Variants in DAPK1 observed in about 807,000 individuals in gnomAD.
DAPK1 encodes the protein death associated protein kinase 1.
A neutral mutation model predicts 144.9 loss-of-function variants in DAPK1; 56 were observed. The observed-to-expected ratio is 0.39, with a 90% CI of 0.31 to 0.48. DAPK1 has a LOEUF of 0.48. Ranked by LOEUF, DAPK1 falls within the 20% of genes least tolerant of loss-of-function variation. The pLI, the probability that DAPK1 is intolerant of heterozygous loss-of-function variation, is 0.95. For missense variants in DAPK1, 1,454 were observed against 1,875.4 expected, an observed-to-expected ratio of 0.78 and a Z score of 4.15; for synonymous variants, 690 against 749.0, an observed-to-expected ratio of 0.92 and a Z score of 1.29.
At chr9:87,611,000 A>G (rs1168756088) in intron 3 of DAPK1, among the ~76,000 whole-genome samples, 1 of 151,308 alleles carries the variant, frequency 6.6e-6, no homozygotes, top group Admixed American at 6.6e-5. Flanking sequence ...ATACTTTGTA[A>G]GTATGTGAGC....
At chr9:87,679,731 C>T (rs117374209) in intron 19 of DAPK1, among the ~76,000 whole-genome samples, 130 of 152,202 alleles carry the variant, frequency 8.5e-4, no homozygotes, top group Non-Finnish European at 1.5e-3. Context: ...GAGTGAGTAG[C>T]GAACTATTTC....
chr9:87,504,007 G>A lies in DAPK1; in HGVS notation c.62+4868G>A, dbSNP rs896402207. 6.6e-5 allele frequency among the ~76,000 whole-genome samples: 10 copies of A among 152,160 alleles called. No homozygotes were observed. The South Asian group carries it at 1.0e-3, about 16-fold the overall frequency. ...GGCAGTCCAAGTGCTTCTCTAGACC[G>A]GTTTACTGTGGATTGCAGGAGTCAG... On this transcript the variant is annotated intron_variant, in intron 2 of 25. Coordinates refer to ENST00000408954, the MANE Select transcript of DAPK1 (RefSeq NM_004938.4).
intron 10 of DAPK1, among the ~76,000 whole-genome samples, chr9:87,643,102 T>C (rs1448407212): frequency 6.6e-6 from 1 of 152,158 alleles, no homozygotes; most frequent in African/African-American, 2.4e-5. Flanking sequence ...GGTGTCCAGC[T>C]CTGTAGTTCA....
Position 87,632,120 on chromosome 9 carries a change from G to A in DAPK1, c.285-5823G>A, listed in dbSNP as rs903371064. 4 of 646,930 alleles carry A rather than the reference G, an allele frequency of 6.2e-6. No homozygotes were observed. In the African/African-American group the frequency reaches 7.7e-5, roughly 13 times the overall value. The allele number at this position is 646,930 out of a possible 1,614,324, so 40.1% of individuals were successfully genotyped here. On this transcript the variant is annotated intron_variant, in intron 3 of 25. Coordinates refer to ENST00000408954, the MANE Select transcript of DAPK1 (RefSeq NM_004938.4). ...TATATATATATATATGTATGTGTGT[G>A]TGTATATATATATAAAATACCAGAT...
intron 17 of DAPK1, among the ~76,000 whole-genome samples, chr9:87,656,610 C>T (rs1236012017): frequency 6.6e-6 from 1 of 152,246 alleles, no homozygotes; most frequent in Non-Finnish European, 1.5e-5. Flanking sequence ...GTATCCCACA[C>T]TGCAGCAGTG....
At chr9:87,518,643 T>C (rs1364742898) in intron 2 of DAPK1, among the ~76,000 whole-genome samples, 1 of 152,194 alleles carries the variant, frequency 6.6e-6, no homozygotes, top group African/African-American at 2.4e-5. Context: ...TAGCCTGTTA[T>C]CTGACCATGC....
At chr9:87,676,450 A>G (rs1243630893) in intron 19 of DAPK1, among the ~76,000 whole-genome samples, 5 of 152,242 alleles carry the variant, frequency 3.3e-5, no homozygotes, top group African/African-American at 1.2e-4. Context: ...GCCTCCACCA[A>G]TGAGGGAGAT....
At chr9:87,576,209 C>T (rs993603499) in intron 2 of DAPK1, among the ~76,000 whole-genome samples, 2 of 152,194 alleles carry the variant, frequency 1.3e-5, no homozygotes, top group Admixed American at 1.3e-4. Flanking sequence ...TACACACACA[C>T]GGGTCAGAGT....
At chr9:87,704,223 A>G (rs1825555656) in intron 25 of DAPK1, among the ~76,000 whole-genome samples, 1 of 152,256 alleles carries the variant, frequency 6.6e-6, no homozygotes, top group Non-Finnish European at 1.5e-5. Flanking sequence ...CAGGTGAAGG[A>G]CCACATCTTA....
intron 2 of DAPK1, chr9:87,525,285 G>T (rs1207200785): frequency 6.3e-7 from 1 of 1,592,126 alleles, no homozygotes; most frequent in Non-Finnish European, 8.6e-7. Context: ...TTACCTCGTT[G>T]CACTCCTGAG....
intron 1 of DAPK1, 116 bp downstream of exon 1, chr9:87,498,223 A>T (rs972156067): frequency 6.6e-5 from 26 of 395,768 alleles, no homozygotes; most frequent in Middle Eastern, 1.2e-3. Flanking sequence ...TGGGAAGGCC[A>T]AGGCGGAGGG....
intron 2 of DAPK1, among the ~76,000 whole-genome samples, chr9:87,584,286 T>C (rs148815674): frequency 5.7e-4 from 87 of 152,306 alleles, no homozygotes; most frequent in African/African-American, 2.0e-3. Flanking sequence ...CTTGAACTCA[T>C]TTCTCTTACC....
chr9:87,693,702 G>C (rs1280461418), intron 21 of DAPK1, among the ~76,000 whole-genome samples: 1 of 152,064 alleles, frequency 6.6e-6, no homozygotes, highest in Non-Finnish European at 1.5e-5. Flanking sequence ...TGAACTTTTT[G>C]AACTTGCTTT....
At chr9:87,526,214 T>G (rs1587688145) in intron 2 of DAPK1, among the ~76,000 whole-genome samples, 1 of 151,998 alleles carries the variant, frequency 6.6e-6, no homozygotes, top group Non-Finnish European at 1.5e-5. Context: ...CCTTTTAATA[T>G]GCAATTCTGA....
At chr9:87,559,426 T>C (rs1861831) in intron 2 of DAPK1, among the ~76,000 whole-genome samples, 1 of 151,928 alleles carries the variant, frequency 6.6e-6, no homozygotes, top group Non-Finnish European at 1.5e-5. Context: ...TGTGGTAACA[T>C]CTAGCCACAT....
chr9:87,562,648 G>A (rs890822272), intron 2 of DAPK1, among the ~76,000 whole-genome samples: 1 of 152,108 alleles, frequency 6.6e-6, no homozygotes, highest in Non-Finnish European at 1.5e-5. Flanking sequence ...CTATCTCAAA[G>A]GCTCTACATT....
At chr9:87,634,468 AG>A in intron 3 of DAPK1, among the ~76,000 whole-genome samples, 1 of 152,284 alleles carries the variant, frequency 6.6e-6, no homozygotes, top group Non-Finnish European at 1.5e-5. Context: ...TGAGGGCTTC[AG>A]GAGGTGGGAC....
chr9:87,520,014 A>C (rs1188680566), intron 2 of DAPK1, among the ~76,000 whole-genome samples: 1 of 152,120 alleles, frequency 6.6e-6, no homozygotes, highest in Non-Finnish European at 1.5e-5. Flanking sequence ...AATAAAGATA[A>C]GGAAACAAAC....
rs1564056429 is a variant in DAPK1 at position 87,662,574 on chromosome 9, T to TTGTTTG, written c.1923+4448_1923+4449insGTTTGT. On this transcript the variant is annotated intron_variant, in intron 18 of 25. Transcript: ENST00000408954. ...ATATATTCCTAGTTTTTTTTTTTTTTTTTTTTTTTTTGGTAGCTATTGTAA... is the reference window on the plus strand; with the variant it reads ...ATATATTCCTAGTTTTTTTTTTTTTTTGTTTGTTTTTTTTTTTGGTAGCTATTGTAA... 8.7e-4 allele frequency among the ~76,000 whole-genome samples: 114 copies of TTGTTTG among 131,518 alleles called. 5 individuals carry two copies. The highest frequency in any genetic ancestry group is 3.1e-3 in the African/African-American group (112 of 35,878). The allele number at this position is 131,518 out of a possible 152,430, so 86.3% of individuals were successfully genotyped here.
Sources: allele counts gnomAD v4.1 joint callset (sites outside exome capture counted in the v4.1 genomes callset), GRCh38; gene constraint gnomAD v4.1.1; transcripts MANE v1.5; gene names NCBI Gene and HGNC (gene_info 2026-07-23, HGNC 2026-07-21).